Variants in RBFOX1 observed in about 807,000 individuals in gnomAD.
RBFOX1 encodes the protein RNA binding fox-1 homolog 1, also known as RNA binding protein fox-1 homolog 1.
In RBFOX1, 8 loss-of-function variants were observed where a neutral mutation model predicts 57.7. The observed-to-expected ratio is 0.14, with a 90% CI of 0.08 to 0.25. The LOEUF (loss-of-function observed/expected upper bound fraction) is 0.25, where lower values mean the gene tolerates loss of function less well. Among genes scored for constraint, RBFOX1 ranks in the 10% least tolerant of loss-of-function variants. The probability of loss-of-function intolerance (pLI) is 1.00; values close to 1 mark genes in which losing one functional copy is unlikely to be tolerated. For missense variants in RBFOX1, 611 were observed against 548.5 expected (o/e 1.11, Z -1.14); for synonymous variants, 326 against 222.4 (o/e 1.47, Z -4.15).
intron 5 of RBFOX1, among the ~76,000 whole-genome samples, chr16:7,566,534 C>T (rs1201480058): frequency 1.3e-5 from 2 of 152,124 alleles, no homozygotes; most frequent in Non-Finnish European, 2.9e-5. Context: ...TGTGTGACTT[C>T]GGACAGATCG....
At chr16:6,394,263 G>T (rs941770401) in intron 2 of RBFOX1, among the ~76,000 whole-genome samples, 42 of 152,130 alleles carry the variant, frequency 2.8e-4, no homozygotes, top group African/African-American at 9.7e-4. Flanking sequence ...AAAACAAAAG[G>T]GATAATGCTG....
At chr16:7,509,625 A>T (rs1046196474) in intron 4 of RBFOX1, among the ~76,000 whole-genome samples, 1 of 152,198 alleles carries the variant, frequency 6.6e-6, no homozygotes, top group African/African-American at 2.4e-5. Flanking sequence ...CCAAGTCATC[A>T]TCAGTTATGG....
chr16:7,378,466 C>G (rs1358497629), intron 4 of RBFOX1, among the ~76,000 whole-genome samples: 1 of 152,146 alleles, frequency 6.6e-6, no homozygotes, highest in Non-Finnish European at 1.5e-5. Flanking sequence ...GTCTTCCAAG[C>G]CTTCTGAGCC....
At chr16:6,398,784 C>T (rs1052296475) in intron 2 of RBFOX1, among the ~76,000 whole-genome samples, 2 of 152,186 alleles carry the variant, frequency 1.3e-5, no homozygotes, top group Non-Finnish European at 2.9e-5. Context: ...TCCAGGTGCA[C>T]AGTCCAGGCT....
intron 3 of RBFOX1, among the ~76,000 whole-genome samples, chr16:6,729,866 G>A (rs2068098551): frequency 6.6e-6 from 1 of 152,112 alleles, no homozygotes; most frequent in African/African-American, 2.4e-5. Context: ...TTGGAAGAAA[G>A]CTGCTTAGAA....
chr16:7,012,961 A>T (rs560070812), intron 3 of RBFOX1, among the ~76,000 whole-genome samples: 1 of 152,140 alleles, frequency 6.6e-6, no homozygotes, highest in East Asian at 1.9e-4. Context: ...GCAGATGGCC[A>T]CCTTCTCAAT....
At position 7,386,932 on chromosome 16, in the gene RBFOX1, A is replaced by T. The variant is rs188166547; in HGVS notation, c.28-131215A>T. ...AATGATCTCCATTCTGACTGCCATG[A>T]GATGTTATCTCATTGTGGTTTTGAT... On this transcript the variant is annotated intron_variant, in intron 4 of 15. Coordinates refer to ENST00000550418, the MANE Select transcript of RBFOX1 (RefSeq NM_018723.4). 1.1e-3 allele frequency among the ~76,000 whole-genome samples: 170 copies of T among 152,252 alleles called. 1 individual carries two copies. Among genetic ancestry groups the T allele is most frequent in the South Asian group, 2.7e-3 (13 of 4,810 alleles).
Position 6,993,290 on chromosome 16 carries a change from C to A in RBFOX1, c.-15-58767C>A, listed in dbSNP as rs553094745. On this transcript the variant is annotated intron_variant, in intron 3 of 15. Transcript: ENST00000550418. ...AGTCATGTTTGTTGTTCAAATGAGT[C>A]TTCTGAGAATCAGGATCTCTTGAAA... Among the ~76,000 whole-genome samples, 13 of 152,316 alleles carry A rather than the reference C, an allele frequency of 8.5e-5. No homozygotes were observed. In the South Asian group the frequency reaches 2.7e-3, roughly 32 times the overall value.
chr16:5,796,797 G>C (rs1199897087), intron 3 of RBFOX1, among the ~76,000 whole-genome samples: 1 of 152,160 alleles, frequency 6.6e-6, no homozygotes, highest in African/African-American at 2.4e-5. Context: ...TCCAAACGTG[G>C]TGTTCTCTAA....
intron 4 of RBFOX1, among the ~76,000 whole-genome samples, chr16:7,445,541 A>G (rs1189527341): frequency 6.6e-6 from 1 of 152,214 alleles, no homozygotes; most frequent in African/African-American, 2.4e-5. Flanking sequence ...TCCATAAATC[A>G]AGGGATTGGG....
chr16:6,664,119 G>A (rs1026569346), intron 3 of RBFOX1, among the ~76,000 whole-genome samples: 2 of 152,186 alleles, frequency 1.3e-5, no homozygotes, highest in Admixed American at 6.5e-5. Flanking sequence ...TCATGTTTAT[G>A]TATGACCTTT....
At chr16:6,828,383 G>C (rs796176055) in intron 3 of RBFOX1, among the ~76,000 whole-genome samples, 15 of 152,110 alleles carry the variant, frequency 9.9e-5, no homozygotes, top group African/African-American at 3.4e-4. Context: ...AATTAACTGG[G>C]CATGGTGACA....
At chr16:6,910,190 A>G (rs1389585332) in intron 3 of RBFOX1, among the ~76,000 whole-genome samples, 1 of 152,044 alleles carries the variant, frequency 6.6e-6, no homozygotes, top group African/African-American at 2.4e-5. Flanking sequence ...ACTCAAGCAG[A>G]AAATGGGAAA....
intron 2 of RBFOX1, among the ~76,000 whole-genome samples, chr16:6,479,555 T>G (rs548984754): frequency 6.6e-6 from 1 of 152,062 alleles, no homozygotes; most frequent in African/African-American, 2.4e-5. Context: ...GCCACTGTAC[T>G]CTACCCTGGG....
intron 5 of RBFOX1, among the ~76,000 whole-genome samples, chr16:7,564,990 G>A (rs1024137311): frequency 5.3e-5 from 8 of 152,132 alleles, no homozygotes; most frequent in African/African-American, 7.2e-5. Context: ...GGCTCGAAAT[G>A]AGGCATTAAC....
At chr16:6,634,311 T>C (rs1182260391) in intron 2 of RBFOX1, among the ~76,000 whole-genome samples, 5 of 152,086 alleles carry the variant, frequency 3.3e-5, no homozygotes, top group Middle Eastern at 3.2e-3. Flanking sequence ...GATCACCCGC[T>C]TCTGAGTCAA....
chr16:6,960,771 A>G (rs927598789), intron 3 of RBFOX1, among the ~76,000 whole-genome samples: 7 of 151,932 alleles, frequency 4.6e-5, no homozygotes, highest in Non-Finnish European at 8.8e-5. Flanking sequence ...GAGCTCTTCA[A>G]TCATCATATC....
intron 4 of RBFOX1, among the ~76,000 whole-genome samples, chr16:7,134,178 G>C (rs1234572644): frequency 6.6e-6 from 1 of 152,120 alleles, no homozygotes; most frequent in Non-Finnish European, 1.5e-5. Flanking sequence ...CATTTTTGAG[G>C]TTTCAGTAAA....
intron 2 of RBFOX1, among the ~76,000 whole-genome samples, chr16:6,367,515 C>A (rs1879354920): frequency 6.6e-6 from 1 of 152,138 alleles, no homozygotes; most frequent in Admixed American, 6.6e-5. Context: ...CATGATCCAC[C>A]CATCTCGGCC....
Sources: allele counts gnomAD v4.1 joint callset (sites outside exome capture counted in the v4.1 genomes callset), GRCh38; gene constraint gnomAD v4.1.1; transcripts MANE v1.5; gene names NCBI Gene and HGNC (gene_info 2026-07-23, HGNC 2026-07-21).